RALGAPA1: variants seen among roughly 807,000 people sequenced by gnomAD.
RALGAPA1 encodes ral GTPase-activating protein subunit alpha-1.
A neutral mutation model predicts 269.6 loss-of-function variants in RALGAPA1; 52 were observed. That is an observed-to-expected ratio of 0.19 (90% confidence interval 0.15 to 0.24). The LOEUF is 0.24. RALGAPA1 is among the 10% of genes least tolerant of loss of function. RALGAPA1 has a pLI of 1.00. For missense variants in RALGAPA1, 1,917 were observed against 3,013.9 expected (o/e 0.64, Z 8.52); for synonymous variants, 817 against 1,008.3 (o/e 0.81, Z 3.60).
intron 22 of RALGAPA1, among the ~76,000 whole-genome samples, chr14:35,675,369 G>T (rs527336468): frequency 6.6e-6 from 1 of 152,166 alleles, no homozygotes; most frequent in South Asian, 2.1e-4. Context: ...GTTTAAACAG[G>T]GTTTCACTAT....
chr14:35,663,177 C>A (rs574007063), intron 27 of RALGAPA1, among the ~76,000 whole-genome samples: 3 of 151,998 alleles, frequency 2.0e-5, no homozygotes, highest in Non-Finnish European at 4.4e-5. Context: ...AAGGCATGAG[C>A]CACCATACCT....
chr14:35,791,007 T>C (rs1055991013), intron 1 of RALGAPA1, among the ~76,000 whole-genome samples: 2 of 152,162 alleles, frequency 1.3e-5, no homozygotes, highest in African/African-American at 4.8e-5. Flanking sequence ...AACCAGGTAC[T>C]GAAGTCCTTG....
At chr14:35,665,530 T>C (rs1259084689) in intron 26 of RALGAPA1, among the ~76,000 whole-genome samples, 2 of 152,196 alleles carry the variant, frequency 1.3e-5, no homozygotes, top group African/African-American at 4.8e-5. Flanking sequence ...TCTATTCACA[T>C]AAATTAAGAA....
chr14:35,605,908 G>A (rs543926072), intron 35 of RALGAPA1, among the ~76,000 whole-genome samples, 199 bp from the exon 36 acceptor site: 3 of 152,214 alleles, frequency 2.0e-5, no homozygotes, highest in Non-Finnish European at 4.4e-5. Context: ...AGACAGGCAC[G>A]ATCACTTTTG....
chr14:35,700,369 G>GT (rs2067244261), intron 16 of RALGAPA1, 67 bp from the exon 17 acceptor site: 1 of 1,282,040 alleles, frequency 7.8e-7, no homozygotes, highest in Admixed American at 3.4e-5. Flanking sequence ...AAAGGCTCGT[G>GT]TCACAGAAAA....
At chr14:35,609,027 T>C (rs186160674) in intron 35 of RALGAPA1, among the ~76,000 whole-genome samples, 1 of 151,928 alleles carries the variant, frequency 6.6e-6, no homozygotes, top group Non-Finnish European at 1.5e-5. Context: ...GAGATCGAGA[T>C]CATCCTGGCT....
chr14:35,720,361 A>G (rs1463383089), intron 16 of RALGAPA1, among the ~76,000 whole-genome samples: 1 of 151,972 alleles, frequency 6.6e-6, no homozygotes, highest in Admixed American at 6.6e-5. Flanking sequence ...TTAATCTCTT[A>G]TTTTCTTTCT....
At chr14:35,726,914 A>G (rs1035463354) in intron 13 of RALGAPA1, among the ~76,000 whole-genome samples, 2 of 152,172 alleles carry the variant, frequency 1.3e-5, no homozygotes, top group Non-Finnish European at 2.9e-5. Flanking sequence ...CAAGTTACTT[A>G]ACTTCCCAGT....
rs372904933 is a variant in RALGAPA1 at position 35,580,110 on chromosome 14, T to C, written c.7210-7392A>G. Among the ~76,000 whole-genome samples, 11 of 152,332 alleles carry C rather than the reference T, an allele frequency of 7.2e-5. No individual in the cohort carries two copies. In the South Asian group the frequency reaches 8.3e-4, roughly 11 times the overall value. On this transcript the variant is annotated intron_variant, in intron 37 of 41. Coordinates refer to ENST00000680220, the MANE Select transcript of RALGAPA1 (RefSeq NM_001346249.2). ...AATGAAACACTTTCCATTACACTAATAGTATTTCAGAGGAAATGGACTTAA... is the reference window on the plus strand; with the variant it reads ...AATGAAACACTTTCCATTACACTAACAGTATTTCAGAGGAAATGGACTTAA...
chr14:35,624,173 A>C (rs1200344028), intron 35 of RALGAPA1, among the ~76,000 whole-genome samples: 2 of 150,188 alleles, frequency 1.3e-5, no homozygotes, highest in East Asian at 2.0e-4. Context: ...AAAAAAAAAA[A>C]ACAACTTGGT....
chr14:35,562,807 T>A (rs566806380), intron 39 of RALGAPA1, among the ~76,000 whole-genome samples: 2 of 150,860 alleles, frequency 1.3e-5, no homozygotes, highest in Admixed American at 6.6e-5. Context: ...GGATCACGAG[T>A]TCAGGAGATC....
At chr14:35,788,346 T>C (rs1367712632) in intron 1 of RALGAPA1, among the ~76,000 whole-genome samples, 1 of 152,218 alleles carries the variant, frequency 6.6e-6, no homozygotes, top group East Asian at 1.9e-4. Flanking sequence ...TCAATTTTAT[T>C]TCCTTAAGGT....
At chr14:35,560,140 G>T (rs376832745) in intron 39 of RALGAPA1, among the ~76,000 whole-genome samples, 2 of 152,170 alleles carry the variant, frequency 1.3e-5, no homozygotes, top group Non-Finnish European at 1.5e-5. Context: ...TAATTGTTTC[G>T]CTAGTCAACG....
At chr14:35,741,170 T>C (rs1170944718) in intron 11 of RALGAPA1, among the ~76,000 whole-genome samples, 2 of 152,190 alleles carry the variant, frequency 1.3e-5, no homozygotes, top group Admixed American at 1.3e-4. Context: ...ATATTATCCA[T>C]CATTCTTATT....
chr14:35,565,956 A>G (rs1370134912), intron 39 of RALGAPA1, among the ~76,000 whole-genome samples: 1 of 152,032 alleles, frequency 6.6e-6, no homozygotes, highest in Non-Finnish European at 1.5e-5. Flanking sequence ...AGAAACAAAA[A>G]AACCATGAAC....
chr14:35,801,075 A>C (rs2076933851), intron 1 of RALGAPA1, among the ~76,000 whole-genome samples: 1 of 151,758 alleles, frequency 6.6e-6, no homozygotes. Flanking sequence ...AAAAAAAAAA[A>C]AAACCACACA....
intron 37 of RALGAPA1, among the ~76,000 whole-genome samples, chr14:35,586,336 A>G (rs1014048075): frequency 7.2e-5 from 11 of 152,240 alleles, no homozygotes; most frequent in African/African-American, 2.7e-4. Flanking sequence ...TTGTCAGCTT[A>G]AGGAGATTTT....
intron 35 of RALGAPA1, among the ~76,000 whole-genome samples, chr14:35,608,311 A>G (rs2059710715): frequency 6.6e-6 from 1 of 152,218 alleles, no homozygotes; most frequent in Non-Finnish European, 1.5e-5. Flanking sequence ...AACTTTGACC[A>G]ATAAGTACGT....
chr14:35,711,999 C>T (rs1211958752), intron 16 of RALGAPA1, among the ~76,000 whole-genome samples: 1 of 152,110 alleles, frequency 6.6e-6, no homozygotes, highest in African/African-American at 2.4e-5. Context: ...ATAATCCCAG[C>T]ACTTTGGGAG....
Sources: gnomAD v4.1 joint callset for allele counts (sites outside exome capture counted in the v4.1 genomes callset) on GRCh38, gnomAD v4.1.1 for gene constraint, MANE v1.5 for transcripts, NCBI Gene and HGNC (gene_info 2026-07-23, HGNC 2026-07-21) for gene names.